The following SDK1 variants were observed in gnomAD, a reference collection of about 807,000 sequenced individuals.
SDK1 encodes the protein protein sidekick-1.
SDK1 carries 157 observed loss-of-function variants against 245.5 expected under a neutral mutation model. The ratio of observed to expected loss-of-function variants is 0.64; its 90% CI spans 0.56 to 0.73. The LOEUF (loss-of-function observed/expected upper bound fraction) is 0.73. Among genes scored for constraint, SDK1 ranks in the 30% least tolerant of loss-of-function variants. SDK1 has a pLI of 0.00. For missense variants in SDK1, 3,583 were observed against 3,002.3 expected (o/e 1.19, Z -4.52); for synonymous variants, 1,647 against 1,278.5 (o/e 1.29, Z -6.15).
chr7:3,993,953 C>T (rs1327686241), intron 14 of SDK1, among the ~76,000 whole-genome samples: 1 of 152,212 alleles, frequency 6.6e-6, no homozygotes, highest in Non-Finnish European at 1.5e-5. Flanking sequence ...TCTCCCCACA[C>T]AGACCTCCTT....
chr7:3,918,508 C>T (rs1013083711), intron 5 of SDK1, among the ~76,000 whole-genome samples: 4 of 152,142 alleles, frequency 2.6e-5, no homozygotes, highest in Non-Finnish European at 2.9e-5. Context: ...CGGATAGGAC[C>T]GTAATTGCAG....
intron 1 of SDK1, among the ~76,000 whole-genome samples, chr7:3,426,883 T>G (rs1469001674): frequency 1.3e-5 from 2 of 152,242 alleles, no homozygotes; most frequent in Non-Finnish European, 2.9e-5. Context: ...TCTGTCATCC[T>G]TAAGGAATTT....
At chr7:3,440,622 A>T (rs983561361) in intron 1 of SDK1, among the ~76,000 whole-genome samples, 3 of 152,186 alleles carry the variant, frequency 2.0e-5, no homozygotes, top group East Asian at 1.9e-4. Flanking sequence ...GGCAATTAGG[A>T]TGTGCCAGAG....
chr7:3,436,685 T>A (rs764175072), intron 1 of SDK1, among the ~76,000 whole-genome samples: 46 of 152,342 alleles, frequency 3.0e-4, no homozygotes, highest in Non-Finnish European at 5.9e-4. Flanking sequence ...CGTGTAATAT[T>A]TTGAAGGTGA....
At chr7:3,470,219 C>T (rs1781138116) in intron 1 of SDK1, among the ~76,000 whole-genome samples, 2 of 152,022 alleles carry the variant, frequency 1.3e-5, no homozygotes, top group South Asian at 4.1e-4. Flanking sequence ...TTCTTCTCTC[C>T]CTCCTTTAAA....
At chr7:3,488,436 T>C (rs907177096) in intron 1 of SDK1, among the ~76,000 whole-genome samples, 1 of 152,210 alleles carries the variant, frequency 6.6e-6, no homozygotes. Flanking sequence ...TCTTTAGCTA[T>C]TTTTGGTTTG....
At chr7:3,428,041 G>C (rs1055863785) in intron 1 of SDK1, among the ~76,000 whole-genome samples, 1 of 152,130 alleles carries the variant, frequency 6.6e-6, no homozygotes, top group Non-Finnish European at 1.5e-5. Context: ...TCCCTCTTTG[G>C]ATTACCCATT....
chr7:3,890,530 C>T (rs1464202060), intron 5 of SDK1, among the ~76,000 whole-genome samples: 2 of 151,914 alleles, frequency 1.3e-5, no homozygotes, highest in Admixed American at 1.3e-4. Context: ...ACTATGCACA[C>T]GTTGAACCAA....
intron 4 of SDK1, among the ~76,000 whole-genome samples, chr7:3,798,659 A>AGGGT (rs1176694114): frequency 6.6e-6 from 1 of 152,176 alleles, no homozygotes; most frequent in Non-Finnish European, 1.5e-5. Context: ...TGGCAGCGAC[A>AGGGT]GGGTGGTCAC....
chr7:3,625,700 G>T (rs1310502950), intron 2 of SDK1, among the ~76,000 whole-genome samples: 1 of 152,188 alleles, frequency 6.6e-6, no homozygotes, highest in East Asian at 1.9e-4. Context: ...GATAAATATG[G>T]GTCCCATGGT....
chr7:4,034,192 C>A (rs1788049938), intron 17 of SDK1, among the ~76,000 whole-genome samples: 1 of 152,142 alleles, frequency 6.6e-6, no homozygotes, highest in African/African-American at 2.4e-5. Context: ...TGGACGGCAG[C>A]CTCCAAAAGT....
At chr7:3,903,775 G>T (rs1583538036) in intron 5 of SDK1, among the ~76,000 whole-genome samples, 1 of 152,152 alleles carries the variant, frequency 6.6e-6, no homozygotes, top group Non-Finnish European at 1.5e-5. Flanking sequence ...CGTGTTGGAG[G>T]TGGGGCCTCA....
At chr7:3,620,418 T>C (rs1023706511) in intron 2 of SDK1, among the ~76,000 whole-genome samples, 9 of 152,070 alleles carry the variant, frequency 5.9e-5, no homozygotes, top group Admixed American at 5.9e-4. Flanking sequence ...TTCTCCTGCC[T>C]CAGCCTCCCA....
intron 41 of SDK1, among the ~76,000 whole-genome samples, chr7:4,236,099 C>T (rs1315868184): frequency 6.6e-6 from 1 of 152,216 alleles, no homozygotes; most frequent in East Asian, 1.9e-4. Context: ...ATTCCCTGTT[C>T]TTCTTCCCGG....
At chr7:3,499,180 A>G (rs754727015) in intron 1 of SDK1, among the ~76,000 whole-genome samples, 1 of 152,176 alleles carries the variant, frequency 6.6e-6, no homozygotes, top group Non-Finnish European at 1.5e-5. Flanking sequence ...AATTTTACGC[A>G]TTTCAGCAAT....
chr7:3,537,831 G>T (rs1456401478), intron 1 of SDK1, among the ~76,000 whole-genome samples: 1 of 152,202 alleles, frequency 6.6e-6, no homozygotes, highest in African/African-American at 2.4e-5. Flanking sequence ...GGCTGCCAGT[G>T]TTCAGGAAGC....
At chr7:3,966,331 C>T (rs1308357914) in intron 9 of SDK1, among the ~76,000 whole-genome samples, 1 of 152,086 alleles carries the variant, frequency 6.6e-6, no homozygotes, top group Non-Finnish European at 1.5e-5. Context: ...TCACTTCTTT[C>T]CTTGAGGGGT....
At chr7:3,384,440 G>A (rs182915379) in intron 1 of SDK1, among the ~76,000 whole-genome samples, 5 of 152,258 alleles carry the variant, frequency 3.3e-5, no homozygotes, top group African/African-American at 4.8e-5. Context: ...GAAAGACTGC[G>A]TCCTATATGC....
At chr7:3,968,249 G>C (rs1021418663) in intron 10 of SDK1, among the ~76,000 whole-genome samples, 2 of 152,232 alleles carry the variant, frequency 1.3e-5, no homozygotes, top group Non-Finnish European at 2.9e-5. Context: ...TGTGGGTTCA[G>C]TTCCTGGGAA....
Sources: allele counts gnomAD v4.1 joint callset (sites outside exome capture counted in the v4.1 genomes callset), GRCh38; gene constraint gnomAD v4.1.1; transcripts MANE v1.5; gene names NCBI Gene and HGNC (gene_info 2026-07-23, HGNC 2026-07-21).